CHRDL2: variants seen among roughly 807,000 people sequenced by gnomAD.
The protein encoded by CHRDL2 is chordin like 2, also known as chordin-like protein 2.
CHRDL2 carries 41 observed loss-of-function variants against 54.3 expected under a neutral mutation model. The observed-to-expected ratio is 0.76, with a 90% CI of 0.59 to 0.98. CHRDL2 has a LOEUF of 0.98. CHRDL2 is among the 50% of genes least tolerant of loss of function. The pLI is 0.00. For missense variants in CHRDL2, 518 were observed against 562.4 expected, an observed-to-expected ratio of 0.92 and a Z score of 0.80; for synonymous variants, 220 against 224.3, an observed-to-expected ratio of 0.98 and a Z score of 0.17.
chr11:74,706,241 G>A (rs79669293), intron 6 of CHRDL2, among the ~76,000 whole-genome samples: 2,501 of 152,126 alleles, frequency 0.016, 56 homozygotes, highest in African/African-American at 0.058. Flanking sequence ...GGAAGTTTGG[G>A]GCCTGCTGCT....
chr11:74,699,259 G>C (rs1456851527), intron 9 of CHRDL2: 3 of 152,298 alleles, frequency 2.0e-5, no homozygotes, highest in Non-Finnish European at 4.4e-5. Flanking sequence ...TTCCCACACT[G>C]TGGTCTGTAA....
intron 5 of CHRDL2, 96 bp downstream of exon 5, chr11:74,708,206 G>C: frequency 1.2e-6 from 1 of 801,694 alleles, no homozygotes; most frequent in South Asian, 2.1e-5. Context: ...TACATGCTGG[G>C]TGTCACCTGC....
chr11:74,702,602 A>T (rs1262990559), intron 9 of CHRDL2, among the ~76,000 whole-genome samples, 192 bp downstream of exon 9: 1 of 152,132 alleles, frequency 6.6e-6, no homozygotes, highest in African/African-American at 2.4e-5. Context: ...TAGCAGGAGG[A>T]GCTTATCAGA....
chr11:74,725,125 TG>T (rs1248949148), intron 1 of CHRDL2, among the ~76,000 whole-genome samples: 2 of 152,130 alleles, frequency 1.3e-5, no homozygotes, highest in Non-Finnish European at 2.9e-5. Flanking sequence ...TCCGAGTAGC[TG>T]GGACTACAGG....
In CHRDL2 at chr11:74,731,369, G is replaced by T. The variant is rs1424280939; in HGVS notation, c.-481C>A. On this transcript the variant is annotated 5_prime_UTR_variant, in exon 1 of 11. Coordinates refer to ENST00000376332, the MANE Select transcript of CHRDL2 (RefSeq NM_001278473.3). The surrounding 1 kb of genome is among the most constrained non-coding windows in gnomAD (Gnocchi z 4.4). The stretch of plus-strand genomic sequence containing the variant: ...CCGGCGGGGCGGCGGTCCCAGCAGC[G>T]GCGGCGGCGCGGCGGCCGCGGAGGG... 1 of 148,908 alleles carries T rather than the reference G, an allele frequency of 6.7e-6. No homozygotes were observed. The highest frequency in any genetic ancestry group is 6.7e-5 in the Admixed American group (1 of 14,902). The allele number at this position is 148,908 out of a possible 1,614,324, so 9.2% of individuals were successfully genotyped here. A position where few individuals can be genotyped will look rare whatever the true frequency, so the allele number is the denominator to read the frequency against.
chr11:74,700,453 G>C (rs1365109182), intron 9 of CHRDL2, among the ~76,000 whole-genome samples: 1 of 151,966 alleles, frequency 6.6e-6, no homozygotes, highest in East Asian at 1.9e-4. Context: ...TCCCTGACCA[G>C]CTCAGCTCCC....
rs755515308 is a variant in CHRDL2 at position 74,713,413 on chromosome 11, G to C, written c.262C>G (p.Pro88Ala). 6.2e-7 allele frequency: 1 copy of C among 1,614,144 alleles called. No homozygotes were observed. The highest frequency in any genetic ancestry group is 1.3e-5 in the African/African-American group (1 of 75,042). The stretch of plus-strand genomic sequence containing the variant: ...ACACACTTGGGACAGCATTGCTGTG[G>C]CTCCGTCACAGGCTGGGGGCAGTGG... ...PVHCPQPVTE[P>A]QQCCPKCVEP... Residue 88 changes from proline (P) to alanine (A), a missense_variant, in exon 3 of 11, where the codon CCA becomes GCA. By Grantham distance (27) the Pro-to-Ala change is conservative. Coordinates refer to ENST00000376332, the MANE Select transcript of CHRDL2 (RefSeq NM_001278473.3).
chr11:74,699,142 C>T (rs550519662), intron 9 of CHRDL2: 20 of 152,412 alleles, frequency 1.3e-4, no homozygotes, highest in South Asian at 8.3e-4. Flanking sequence ...TAGCGGCAGG[C>T]AACAAGCATG....
In CHRDL2 at chr11:74,730,185, G is replaced by C. The variant is rs193053396; in HGVS notation, c.82+622C>G. On this transcript the variant is annotated intron_variant, in intron 1 of 10. Coordinates refer to ENST00000376332, the MANE Select transcript of CHRDL2 (RefSeq NM_001278473.3). ...TCTCACTGTGCCCTGCCGCCTCCCA[G>C]AGTCTCACACTGCAAATTCAGGGTT... 2.0e-5 allele frequency among the ~76,000 whole-genome samples: 3 copies of C among 151,832 alleles called. No individual in the cohort carries two copies. The East Asian group carries it at 5.9e-4, about 30-fold the overall frequency.
intron 3 of CHRDL2, among the ~76,000 whole-genome samples, chr11:74,712,586 T>C (rs1354075038): frequency 6.6e-6 from 1 of 152,158 alleles, no homozygotes; most frequent in Non-Finnish European, 1.5e-5. Flanking sequence ...GTCAGATCCC[T>C]ACTGGGCTCC....
chr11:74,700,640 A>T lies in CHRDL2; in HGVS notation c.1120+2154T>A, dbSNP rs923311268. Among the ~76,000 whole-genome samples the T allele has an allele frequency of 7.1e-3, 1,007 of 141,568 alleles. 11 individuals carry two copies. The highest frequency in any genetic ancestry group is 0.023 in the African/African-American group (874 of 37,978). The allele number at this position is 141,568 out of a possible 152,430, so 92.9% of individuals were successfully genotyped here. ...TCTTTTTTTTATTATTATTATTATT[A>T]TTATTTTTTTTTTTTTGAGACGGAG... On this transcript the variant is annotated intron_variant, in intron 9 of 10. Coordinates refer to ENST00000376332, the MANE Select transcript of CHRDL2 (RefSeq NM_001278473.3).
chr11:74,717,582 A>AG (rs2034395726), intron 2 of CHRDL2, among the ~76,000 whole-genome samples: 1 of 152,068 alleles, frequency 6.6e-6, no homozygotes, highest in South Asian at 2.1e-4. Flanking sequence ...GTGAGTCAGG[A>AG]GGAAAGACCC....
chr11:74,731,376 G>GCGCGGCGGC lies in CHRDL2; in HGVS notation c.-497_-489dup, dbSNP rs1190989108. On this transcript the variant is annotated 5_prime_UTR_variant, in exon 1 of 11. Transcript: ENST00000376332. This position sits in a 1 kb window ranked among gnomAD's most constrained non-coding sequence, Gnocchi z 4.4. ...GGCGGCGGTCCCAGCAGCGGCGGCG[G>GCGCGGCGGC]CGCGGCGGCCGCGGAGGGAGGCTGA... 6.7e-6 allele frequency: 1 copy of GCGCGGCGGC among 149,384 alleles called. No individual in the cohort carries two copies. The highest frequency in any genetic ancestry group is 1.5e-5 in the Non-Finnish European group (1 of 66,800). The allele number at this position is 149,384 out of a possible 1,614,324, so 9.3% of individuals were successfully genotyped here. A position where few individuals can be genotyped will look rare whatever the true frequency, so the allele number is the denominator to read the frequency against.
At chr11:74,699,619 C>A (rs1296025754) in intron 9 of CHRDL2, 2 of 152,292 alleles carry the variant, frequency 1.3e-5, no homozygotes, top group Non-Finnish European at 2.9e-5. Flanking sequence ...GGAATTGAGA[C>A]CCCGACATCC....
At chr11:74,725,833 G>T (rs539634565) in intron 1 of CHRDL2, among the ~76,000 whole-genome samples, 1 of 152,180 alleles carries the variant, frequency 6.6e-6, no homozygotes, top group Non-Finnish European at 1.5e-5. Flanking sequence ...GAGCCAGGCT[G>T]CCCAGGAATG....
In CHRDL2 at chr11:74,704,407, G is replaced by T. The variant is rs1023196108; in HGVS notation, c.751+79C>A. ...AGGGAACTGCTGAGGAGAGGGTTCA[G>T]GGGGTTGGGGGTGGGAGGTGGGAGC... On this transcript the variant is annotated intron_variant, in intron 7 of 10. Transcript: ENST00000376332. The T allele has an allele frequency of 6.4e-6, 9 of 1,405,002 alleles. No homozygotes were observed. In the Admixed American group the frequency reaches 1.3e-4, roughly 21 times the overall value. The allele number at this position is 1,405,002 out of a possible 1,614,324, so 87.0% of individuals were successfully genotyped here.
Position 74,705,456 on chromosome 11 carries a change from C to T in CHRDL2, c.583-802G>A, listed in dbSNP as rs558639611. Among the ~76,000 whole-genome samples, 257 of 152,334 alleles carry T rather than the reference C, an allele frequency of 1.7e-3. 1 individual carries two copies. Among genetic ancestry groups the T allele is most frequent in the African/African-American group, 6.0e-3 (248 of 41,574 alleles). ...TCCCTGCATCAGTTCTCCGATGGCCCAGAGCCTGAGCTCACAAGAGCTCCC... is the reference window on the plus strand; with the variant it reads ...TCCCTGCATCAGTTCTCCGATGGCCTAGAGCCTGAGCTCACAAGAGCTCCC... On this transcript the variant is annotated intron_variant, in intron 6 of 10. Coordinates refer to ENST00000376332, the MANE Select transcript of CHRDL2 (RefSeq NM_001278473.3).
intron 2 of CHRDL2, among the ~76,000 whole-genome samples, chr11:74,714,399 A>G (rs989404469): frequency 1.1e-4 from 16 of 152,218 alleles, no homozygotes; most frequent in African/African-American, 3.9e-4. Flanking sequence ...CGCTTTGTTC[A>G]CAATTCTGAA....
chr11:74,726,116 C>T (rs1378556814), intron 1 of CHRDL2, among the ~76,000 whole-genome samples: 2 of 152,134 alleles, frequency 1.3e-5, no homozygotes, highest in Non-Finnish European at 2.9e-5. Flanking sequence ...CATAGAAGGG[C>T]CTCTAGGGAG....
Sources: allele counts gnomAD v4.1 joint callset (sites outside exome capture counted in the v4.1 genomes callset), GRCh38; gene constraint gnomAD v4.1.1; non-coding constraint Gnocchi (gnomAD v3.1); transcripts MANE v1.5; gene names NCBI Gene and HGNC (gene_info 2026-07-23, HGNC 2026-07-21).